Variants in ATP11B observed in about 807,000 individuals in gnomAD.
ATP11B encodes the protein phospholipid-transporting ATPase IF.
A neutral mutation model predicts 157.8 loss-of-function variants in ATP11B; 81 were observed. That is an observed-to-expected ratio of 0.51 (90% CI 0.43 to 0.62). The LOEUF is 0.62. ATP11B is among the 20% of genes least tolerant of loss of function. The probability of loss-of-function intolerance (pLI) is 0.00; values close to 1 mark genes in which losing one functional copy is unlikely to be tolerated. For missense variants in ATP11B, 1,165 were observed against 1,402.2 expected (o/e 0.83, Z 2.70); for synonymous variants, 451 against 469.4 (o/e 0.96, Z 0.51).
chr3:182,899,028 A>C (rs1411925071), intron 28 of ATP11B, among the ~76,000 whole-genome samples: 1 of 152,064 alleles, frequency 6.6e-6, no homozygotes, highest in Non-Finnish European at 1.5e-5. Flanking sequence ...TTTAGGTATG[A>C]AACTATCAAA....
At chr3:182,905,214 AT>A (rs1386667038) in intron 28 of ATP11B, among the ~76,000 whole-genome samples, 1 of 152,254 alleles carries the variant, frequency 6.6e-6, no homozygotes, top group Admixed American at 6.5e-5. Flanking sequence ...TAAAATAAAG[AT>A]GGCTATGGAA....
At chr3:182,814,576 GGAA>G (rs1716861059) in intron 1 of ATP11B, among the ~76,000 whole-genome samples, 1 of 152,148 alleles carries the variant, frequency 6.6e-6, no homozygotes, top group Non-Finnish European at 1.5e-5. Flanking sequence ...GGGAGATTGA[GGAA>G]GGAGGATTGC....
intron 8 of ATP11B, chr3:182,843,988 G>C (rs1719265614): frequency 6.6e-6 from 1 of 152,078 alleles, no homozygotes; most frequent in Non-Finnish European, 1.5e-5. Context: ...GATTTTTATA[G>C]GGAAATAGTG....
intron 2 of ATP11B, among the ~76,000 whole-genome samples, chr3:182,824,814 C>G (rs1469118277): frequency 6.6e-6 from 1 of 152,194 alleles, no homozygotes; most frequent in Non-Finnish European, 1.5e-5. Context: ...ACCTGTTATT[C>G]CACAAACTCA....
At chr3:182,913,388 T>C (rs1409512731) in intron 28 of ATP11B, among the ~76,000 whole-genome samples, 2 of 152,200 alleles carry the variant, frequency 1.3e-5, no homozygotes, top group Non-Finnish European at 2.9e-5. Flanking sequence ...TCCTGCCTGA[T>C]TGTTATTTCC....
At position 182,918,033 on chromosome 3, in the gene ATP11B, G is replaced by A; in HGVS notation, c.3463G>A (p.Ala1155Thr). 6.2e-7 allele frequency: 1 copy of A among 1,613,006 alleles called. No individual in the cohort carries two copies. Residue 1155 changes from alanine (A) to threonine (T), a missense_variant, in exon 30 of 30, where the codon GCA becomes ACA. By Grantham distance (58) the Ala-to-Thr change is moderately conservative. Transcript: ENST00000323116. Reference protein sequence around the residue: ...SPTHISRSWSASDPFYTNDRS... With the variant: ...SPTHISRSWSTSDPFYTNDRS... ...TTATTGTTACTTTAGATCATGGAGTGCATCGGATCCTTTCTATACCAACGA... is the reference window on the plus strand; with the variant it reads ...TTATTGTTACTTTAGATCATGGAGTACATCGGATCCTTTCTATACCAACGA...
At chr3:182,866,785 T>A in intron 14 of ATP11B, among the ~76,000 whole-genome samples, 1 of 148,230 alleles carries the variant, frequency 6.7e-6, no homozygotes, top group Non-Finnish European at 1.5e-5. Flanking sequence ...ATATATATGT[T>A]TGTGTATGTG....
chr3:182,915,850 A>G, intron 29 of ATP11B: 1 of 972,524 alleles, frequency 1.0e-6, no homozygotes, highest in East Asian at 1.1e-4. Context: ...AAATTGCGCC[A>G]TATTGTTTTT....
intron 29 of ATP11B, chr3:182,917,509 T>C (rs982016613): frequency 1.0e-6 from 1 of 985,390 alleles, no homozygotes; most frequent in East Asian, 1.1e-4. Context: ...TACAGGTGTC[T>C]TTGATGCCTT....
chr3:182,904,194 A>T (rs893758496), intron 28 of ATP11B, among the ~76,000 whole-genome samples: 4 of 152,214 alleles, frequency 2.6e-5, no homozygotes, highest in Non-Finnish European at 5.9e-5. Context: ...GTCCTAACCA[A>T]GTCACTTCAC....
chr3:182,861,901 A>G (rs1720866330), intron 12 of ATP11B, among the ~76,000 whole-genome samples: 1 of 150,134 alleles, frequency 6.7e-6, no homozygotes, highest in South Asian at 2.1e-4. Context: ...CCCTGGTCAC[A>G]CCACTGCACT....
chr3:182,908,196 C>CTTTTTTTTTTTT (rs10716562), intron 28 of ATP11B, among the ~76,000 whole-genome samples: 15 of 70,720 alleles, frequency 2.1e-4, no homozygotes, highest in African/African-American at 2.9e-4. Context: ...TTATTATTTT[C>CTTTTTTTTTTTT]TTTTTTTTTT....
chr3:182,804,369 C>G (rs1361883890), intron 1 of ATP11B, among the ~76,000 whole-genome samples: 1 of 151,930 alleles, frequency 6.6e-6, no homozygotes, highest in African/African-American at 2.4e-5. Context: ...CCTCAGCCTC[C>G]CGAGTAGCTG....
intron 12 of ATP11B, among the ~76,000 whole-genome samples, chr3:182,864,922 A>G (rs893483022): frequency 6.6e-6 from 1 of 152,088 alleles, no homozygotes; most frequent in East Asian, 1.9e-4. Flanking sequence ...TCTTTTAAAC[A>G]TCGATTTTTT....
At chr3:182,907,900 CCATTAAATAA>C in intron 28 of ATP11B, among the ~76,000 whole-genome samples, 1 of 152,160 alleles carries the variant, frequency 6.6e-6, no homozygotes, top group African/African-American at 2.4e-5. Context: ...TAGAATGTTC[CCATTAAATAA>C]CAGGAGCCTT....
At chr3:182,826,211 C>A (rs1408679593) in intron 2 of ATP11B, among the ~76,000 whole-genome samples, 1 of 152,170 alleles carries the variant, frequency 6.6e-6, no homozygotes, top group Non-Finnish European at 1.5e-5. Flanking sequence ...AAACTAGAAA[C>A]AATTTCTACC....
intron 28 of ATP11B, among the ~76,000 whole-genome samples, chr3:182,911,786 G>T (rs1724813015): frequency 6.6e-6 from 1 of 152,160 alleles, no homozygotes; most frequent in Non-Finnish European, 1.5e-5. Flanking sequence ...AAGTTTAAGT[G>T]CTTGTGCCAA....
At chr3:182,855,299 A>T (rs1218542573) in intron 10 of ATP11B, among the ~76,000 whole-genome samples, 1 of 152,194 alleles carries the variant, frequency 6.6e-6, no homozygotes, top group Admixed American at 6.5e-5. Flanking sequence ...AATACAATAG[A>T]GGAAGTGTAA....
Position 182,820,274 on chromosome 3 carries a change from A to G in ATP11B, c.42A>G (p.Pro14=), listed in dbSNP as rs375065862. 4 of 1,613,472 alleles carry G rather than the reference A, an allele frequency of 2.5e-6. No homozygotes were observed. The highest frequency in any genetic ancestry group is 2.7e-5 in the African/African-American group (2 of 74,918). The change falls in exon 2 of 30, where the codon CCA becomes CCG. Residue 14 remains proline (P), a synonymous_variant. Coordinates refer to ENST00000323116, the MANE Select transcript of ATP11B (RefSeq NM_014616.3). The part of the protein sequence containing the change: ...WIRQQLGFDP[P]HQSDTRTIYV... ...ATTGGTCTTAGGGTTTTGACCCACC[A>G]CATCAGAGTGACACAAGAACCATCT...
Sources: allele counts gnomAD v4.1 joint callset (sites outside exome capture counted in the v4.1 genomes callset), GRCh38; gene constraint gnomAD v4.1.1; transcripts MANE v1.5; gene names NCBI Gene and HGNC (gene_info 2026-07-23, HGNC 2026-07-21).